Variants in RLF observed in about 807,000 individuals in gnomAD.
RLF encodes zinc finger protein Rlf.
Under a neutral mutation model 162.9 loss-of-function variants are expected in RLF, and 7 were observed. That is an observed-to-expected ratio of 0.04 (90% confidence interval 0.02 to 0.08). RLF has a LOEUF of 0.08. Among genes scored for constraint, RLF ranks in the 10% least tolerant of loss-of-function variants. The probability of loss-of-function intolerance (pLI) is 1.00; values close to 1 mark genes in which losing one functional copy is unlikely to be tolerated. For missense variants in RLF, 1,664 were observed against 2,244.7 expected (o/e 0.74, Z 5.23); for synonymous variants, 782 against 791.5 (o/e 0.99, Z 0.20).
chr1:40,187,323 C>T (rs549525270), intron 1 of RLF, among the ~76,000 whole-genome samples: 2 of 152,318 alleles, frequency 1.3e-5, no homozygotes, highest in East Asian at 3.9e-4. Flanking sequence ...AGCCACAGCA[C>T]CTGGCTGATT....
intron 1 of RLF, among the ~76,000 whole-genome samples, chr1:40,168,811 G>T (rs1557736059): frequency 6.6e-6 from 1 of 151,882 alleles, no homozygotes; most frequent in African/African-American, 2.4e-5. Context: ...GGCCAACATG[G>T]TGAAACCCCA....
chr1:40,191,047 C>T (rs1642550491), intron 3 of RLF, among the ~76,000 whole-genome samples, 194 bp downstream of exon 3: 4 of 152,024 alleles, frequency 2.6e-5, no homozygotes, highest in African/African-American at 7.2e-5. Context: ...GTTTTGTTTG[C>T]CTCTACATAG....
intron 1 of RLF, among the ~76,000 whole-genome samples, chr1:40,188,546 T>C (rs1642515646): frequency 6.6e-6 from 1 of 151,576 alleles, no homozygotes; most frequent in African/African-American, 2.4e-5. Flanking sequence ...AAAATATCAA[T>C]ATAACATTAA....
At chr1:40,169,576 A>G (rs1371714399) in intron 1 of RLF, among the ~76,000 whole-genome samples, 1 of 135,114 alleles carries the variant, frequency 7.4e-6, no homozygotes, top group Non-Finnish European at 1.5e-5. Context: ...AGATTGCGCC[A>G]CTGCAGTCCG....
At chr1:40,187,948 A>G (rs968563808) in intron 1 of RLF, among the ~76,000 whole-genome samples, 2 of 152,214 alleles carry the variant, frequency 1.3e-5, no homozygotes, top group African/African-American at 4.8e-5. Context: ...ACTCATGTTA[A>G]AGCTATCCTC....
At chr1:40,182,200 G>A (rs1024941848) in intron 1 of RLF, among the ~76,000 whole-genome samples, 2 of 152,138 alleles carry the variant, frequency 1.3e-5, no homozygotes, top group African/African-American at 4.8e-5. Flanking sequence ...TTGGGAGCCC[G>A]AGGTGAGCAG....
At chr1:40,212,812 A>G (rs1185867988) in intron 5 of RLF, among the ~76,000 whole-genome samples, 1 of 152,334 alleles carries the variant, frequency 6.6e-6, no homozygotes, top group African/African-American at 2.4e-5. Context: ...CTAGGTATAA[A>G]TGATAGAGCA....
rs142014699 is a variant in RLF at position 40,202,535 on chromosome 1, T to C, written c.731T>C (p.Ile244Thr). ...AAACTATGTGCAGAATCTAAAGAAA[T>C]TTCAAATGTGTCATCTTTTCAGCAA... ...LSKLCAESKE[I>T]SNVSSFQQAY... Residue 244 changes from isoleucine to threonine, a missense_variant, in exon 5 of 8, where the codon ATT becomes ACT. By Grantham distance (89) the Ile-to-Thr change is moderately conservative. Coordinates refer to ENST00000372771, the MANE Select transcript of RLF (RefSeq NM_012421.4). 6 of 1,567,738 alleles carry C rather than the reference T, an allele frequency of 3.8e-6. 1 individual carries two copies. In the African/African-American group the frequency reaches 8.4e-5, roughly 22 times the overall value.
intron 1 of RLF, among the ~76,000 whole-genome samples, chr1:40,179,446 T>C (rs1380527519): frequency 6.6e-6 from 1 of 152,138 alleles, no homozygotes; most frequent in Non-Finnish European, 1.5e-5. Context: ...TTTGAATTTA[T>C]CCTCCCTGCC....
intron 5 of RLF, among the ~76,000 whole-genome samples, chr1:40,214,365 A>G (rs1270324612): frequency 1.3e-5 from 2 of 152,264 alleles, no homozygotes; most frequent in Non-Finnish European, 2.9e-5. Context: ...CTTTACAGCA[A>G]TCTGAGGAGG....
rs1464779955 is a variant in RLF, at chr1:40,193,393, AAGT to A, written c.475-2236_475-2234del. Among the ~76,000 whole-genome samples the A allele has an allele frequency of 2.6e-5, 4 of 152,310 alleles. No homozygotes were observed. In the East Asian group the frequency reaches 5.8e-4, roughly 22 times the overall value. On this transcript the variant is annotated intron_variant, in intron 3 of 7. Coordinates refer to ENST00000372771, the MANE Select transcript of RLF (RefSeq NM_012421.4). ...GTATTTTGAACTTTAACAAATGAGA[AAGT>A]AGAGAACTTTTAAAAAGAAACTCAA...
chr1:40,165,798 A>G (rs1642157352), intron 1 of RLF, among the ~76,000 whole-genome samples: 1 of 152,030 alleles, frequency 6.6e-6, no homozygotes, highest in South Asian at 2.1e-4. Flanking sequence ...CCTCCGCCAA[A>G]GGAAAGATAA....
At position 40,240,220 on chromosome 1, in the gene RLF, C is replaced by G. The variant is rs755620482; in HGVS notation, c.5518C>G (p.Leu1840Val). Residue 1840 changes from leucine to valine, a missense_variant, in exon 8 of 8, where the codon CTG (leucine) becomes GTG (valine). By Grantham distance (32) the Leu-to-Val change is conservative (BLOSUM62 1). Coordinates refer to ENST00000372771, the MANE Select transcript of RLF (RefSeq NM_012421.4). ...SSSDSTIHENLTAIPPLIVAE... is the reference protein window; with the variant it reads ...SSSDSTIHENVTAIPPLIVAE... ...CAGTGACTCTACAATTCATGAGAACCTGACTGCAATCCCACCTTTAATAGT... is the reference window on the plus strand; with the variant it reads ...CAGTGACTCTACAATTCATGAGAACGTGACTGCAATCCCACCTTTAATAGT... The G allele has an allele frequency of 2.7e-5, 43 of 1,614,008 alleles. No homozygotes were observed. Among genetic ancestry groups the G allele is most frequent in the Admixed American group, 1.2e-4 (7 of 59,998 alleles).
At chr1:40,197,024 T>C (rs924959409) in intron 4 of RLF, among the ~76,000 whole-genome samples, 1 of 152,236 alleles carries the variant, frequency 6.6e-6, no homozygotes, top group African/African-American at 2.4e-5. Flanking sequence ...CATTTTGAGA[T>C]ATCTTTAGGT....
At chr1:40,233,220 C>T (rs1165408148) in intron 7 of RLF, among the ~76,000 whole-genome samples, 1 of 152,110 alleles carries the variant, frequency 6.6e-6, no homozygotes, top group Non-Finnish European at 1.5e-5. Context: ...CTTCAAAATT[C>T]AGCTCCACAT....
At chr1:40,200,939 C>CACACACACACAG (rs1491177076) in intron 4 of RLF, among the ~76,000 whole-genome samples, 1 of 102,952 alleles carries the variant, frequency 9.7e-6, no homozygotes, top group African/African-American at 4.9e-5. Flanking sequence ...CACACACACA[C>CACACACACACAG]TGGTTTATCC....
At chr1:40,193,147 G>C (rs927350951) in intron 3 of RLF, among the ~76,000 whole-genome samples, 1 of 131,168 alleles carries the variant, frequency 7.6e-6, no homozygotes, top group South Asian at 2.3e-4. Flanking sequence ...AAAAAAAAAA[G>C]AGCATCTTGT....
intron 1 of RLF, among the ~76,000 whole-genome samples, chr1:40,183,316 C>A (rs1407858228): frequency 6.6e-6 from 1 of 152,196 alleles, no homozygotes; most frequent in African/African-American, 2.4e-5. Flanking sequence ...AAACCCCTCT[C>A]TATTAGAAAA....
chr1:40,175,877 A>T (rs190713779), intron 1 of RLF, among the ~76,000 whole-genome samples: 1 of 151,798 alleles, frequency 6.6e-6, no homozygotes, highest in East Asian at 1.9e-4. Context: ...CATCATCCCT[A>T]GAAGTTTCTT....
Sources: allele counts gnomAD v4.1 joint callset (sites outside exome capture counted in the v4.1 genomes callset), GRCh38; gene constraint gnomAD v4.1.1; transcripts MANE v1.5; gene names NCBI Gene and HGNC (gene_info 2026-07-23, HGNC 2026-07-21).